UBTD2: variants seen among roughly 807,000 people sequenced by gnomAD.
The protein encoded by UBTD2 is ubiquitin domain-containing protein 2.
In UBTD2, 9 loss-of-function variants were observed where a neutral mutation model predicts 19.8. The ratio of observed to expected loss-of-function variants is 0.46; its 90% CI spans 0.27 to 0.79. UBTD2 has a LOEUF of 0.79. UBTD2 is among the 30% of genes least tolerant of loss of function. The pLI is 0.14. For synonymous variants in UBTD2, 98 were observed against 103.9 expected (o/e 0.94, Z 0.35); for missense variants, 250 against 300.4 (o/e 0.83, Z 1.24).
chr5:172,220,238 T>G (rs914837860), intron 2 of UBTD2, among the ~76,000 whole-genome samples: 7 of 152,114 alleles, frequency 4.6e-5, no homozygotes, highest in Non-Finnish European at 1.0e-4. Context: ...AATCACATGA[T>G]CATATCAATA....
chr5:172,254,930 A>C lies in UBTD2; in HGVS notation c.71-20572T>G, dbSNP rs184792601. 2.5e-3 allele frequency: 1,279 copies of C among 506,578 alleles called. 4 individuals carry two copies. The highest frequency in any genetic ancestry group is 4.1e-3 in the Non-Finnish European group (1,081 of 264,266). 31.4% of individuals were successfully genotyped at this position (506,578 alleles called of 1,614,324 possible). On this transcript the variant is annotated intron_variant, in intron 1 of 2. Coordinates refer to ENST00000393792, the MANE Select transcript of UBTD2 (RefSeq NM_152277.3). ...AGACCTCTTCCTCCTCCTCCTCCTC[A>C]AGGAGACCATGAGAGGCTCCTGGAG...
intron 1 of UBTD2, among the ~76,000 whole-genome samples, chr5:172,261,847 C>T (rs1467785981): frequency 6.6e-6 from 1 of 152,088 alleles, no homozygotes; most frequent in Non-Finnish European, 1.5e-5. Flanking sequence ...TGGTCTCGAA[C>T]TCCTGGCCTC....
intron 1 of UBTD2, among the ~76,000 whole-genome samples, chr5:172,245,995 C>T (rs1244621507): frequency 1.3e-5 from 2 of 152,166 alleles, no homozygotes; most frequent in African/African-American, 4.8e-5. Context: ...TTACTCAACA[C>T]ACAAAGAGCC....
At chr5:172,234,895 AACCT>A in intron 1 of UBTD2, among the ~76,000 whole-genome samples, 1 of 70,230 alleles carries the variant, frequency 1.4e-5, no homozygotes, top group African/African-American at 5.7e-5. Context: ...GCGAGAGTGA[AACCT>A]CATCTCAAAC....
intron 1 of UBTD2, among the ~76,000 whole-genome samples, chr5:172,261,331 T>A (rs904965021): frequency 1.3e-5 from 2 of 152,208 alleles, no homozygotes; most frequent in African/African-American, 4.8e-5. Flanking sequence ...ACTAAGTGAC[T>A]GAAGAGCACA....
intron 1 of UBTD2, among the ~76,000 whole-genome samples, chr5:172,269,350 C>T (rs1755439303): frequency 6.6e-6 from 1 of 151,818 alleles, no homozygotes; most frequent in African/African-American, 2.4e-5. Context: ...ATTAGCCAGG[C>T]AGTAGTGGTG....
intron 2 of UBTD2, among the ~76,000 whole-genome samples, chr5:172,219,150 C>G (rs1771606025): frequency 6.6e-6 from 1 of 152,176 alleles, no homozygotes; most frequent in African/African-American, 2.4e-5. Flanking sequence ...TAATAACTTT[C>G]CAAAACAGAA....
intron 1 of UBTD2, among the ~76,000 whole-genome samples, chr5:172,245,667 A>G (rs1211382752): frequency 6.6e-6 from 1 of 151,828 alleles, no homozygotes; most frequent in African/African-American, 2.4e-5. Flanking sequence ...AGCAGAGATC[A>G]CACCATTGCA....
At chr5:172,279,828 G>A (rs1581237398) in intron 1 of UBTD2, among the ~76,000 whole-genome samples, 2 of 152,164 alleles carry the variant, frequency 1.3e-5, no homozygotes, top group South Asian at 4.1e-4. Context: ...CTAGTACGGC[G>A]GAGAACCATA....
In UBTD2 at chr5:172,283,696, C is replaced by A. The variant is rs1755773152; in HGVS notation, c.-31G>T. The A allele has an allele frequency of 1.6e-6, 2 of 1,219,672 alleles. No homozygotes were observed. Among genetic ancestry groups the A allele is most frequent in the Non-Finnish European group, 2.0e-6 (2 of 977,916 alleles). The allele number at this position is 1,219,672 out of a possible 1,614,324, so 75.6% of individuals were successfully genotyped here. A position where few individuals can be genotyped will look rare whatever the true frequency, so the allele number is the denominator to read the frequency against. ...CCCCCGGCGCCTCGTCCGCCACCTC[C>A]GGACGCTCGTCCGGGCCCGCCGCCG... is the stretch of plus-strand genomic sequence containing the variant. On this transcript the variant is annotated 5_prime_UTR_variant, in exon 1 of 3. Transcript: ENST00000393792. The surrounding 1 kb of genome is among the most constrained non-coding windows in gnomAD (Gnocchi z 4.3).
intron 1 of UBTD2, among the ~76,000 whole-genome samples, chr5:172,267,039 TA>T (rs34544452): frequency 0.32 from 38,145 of 119,266 alleles, 5,863 homozygotes; most frequent in African/African-American, 0.46. Flanking sequence ...AGCCTCTCTT[TA>T]AAAAAAAAAA....
At chr5:172,229,078 T>A (rs1037233734) in intron 2 of UBTD2, among the ~76,000 whole-genome samples, 5 of 152,134 alleles carry the variant, frequency 3.3e-5, no homozygotes, top group African/African-American at 4.8e-5. Context: ...AAAGCCAAAC[T>A]GAAGAACTGG....
chr5:172,238,804 G>A lies in UBTD2; in HGVS notation c.71-4446C>T, dbSNP rs567148243. Among the ~76,000 whole-genome samples the A allele has an allele frequency of 3.9e-5, 6 of 152,208 alleles. No individual in the cohort carries two copies. In the South Asian group the frequency reaches 1.2e-3, roughly 32 times the overall value. ...GAAAACCTTGATTTAATGATGGAAC[G>A]CTTCAAATGAAGAAAGAAGAGGCCA... On this transcript the variant is annotated intron_variant, in intron 1 of 2. Coordinates refer to ENST00000393792, the MANE Select transcript of UBTD2 (RefSeq NM_152277.3).
At chr5:172,278,554 GAAT>G (rs1312682603) in intron 1 of UBTD2, among the ~76,000 whole-genome samples, 2 of 150,308 alleles carry the variant, frequency 1.3e-5, no homozygotes, top group African/African-American at 4.9e-5. Flanking sequence ...ACATACAATG[GAAT>G]ATTATTTAGC....
At chr5:172,212,365 A>G (rs1313445440) in intron 2 of UBTD2, 138 bp from the exon 3 acceptor site, 1 of 922,558 alleles carries the variant, frequency 1.1e-6, no homozygotes, top group Non-Finnish European at 1.6e-6. Flanking sequence ...ATCATCAATG[A>G]TTATCAAATC....
intron 1 of UBTD2, among the ~76,000 whole-genome samples, chr5:172,277,591 A>T (rs1162531688): frequency 6.6e-6 from 1 of 152,028 alleles, no homozygotes; most frequent in East Asian, 1.9e-4. Flanking sequence ...CTGTGGTCCC[A>T]GTTACTCAGG....
chr5:172,245,283 C>T (rs1754856770), intron 1 of UBTD2, among the ~76,000 whole-genome samples: 1 of 152,146 alleles, frequency 6.6e-6, no homozygotes, highest in Admixed American at 6.5e-5. Context: ...AGCCATAAGG[C>T]AGATAAAAGA....
chr5:172,262,757 G>C (rs1357706973), intron 1 of UBTD2, among the ~76,000 whole-genome samples: 4 of 152,126 alleles, frequency 2.6e-5, no homozygotes, highest in Admixed American at 6.6e-5. Context: ...GGAGGTTGCA[G>C]TAGGCCAAGA....
intron 1 of UBTD2, among the ~76,000 whole-genome samples, chr5:172,272,812 C>G (rs7707818): frequency 0.57 from 87,173 of 152,042 alleles, 25,567 homozygotes; most frequent in African/African-American, 0.71. Flanking sequence ...CAGGTGCGGT[C>G]GCTCACGCCT....
Sources: gnomAD v4.1 joint callset for allele counts (sites outside exome capture counted in the v4.1 genomes callset) on GRCh38, gnomAD v4.1.1 for gene constraint, Gnocchi (gnomAD v3.1) non-coding constraint, MANE v1.5 for transcripts, NCBI Gene and HGNC (gene_info 2026-07-23, HGNC 2026-07-21) for gene names.